The following CAMTA1 variants were observed in gnomAD, a reference collection of about 807,000 sequenced individuals.
CAMTA1 encodes calmodulin binding transcription activator 1.
Under a neutral mutation model 170.9 loss-of-function variants are expected in CAMTA1, and 27 were observed. The observed-to-expected ratio is 0.16, with a 90% CI of 0.12 to 0.22. The LOEUF is 0.22. Ranked by LOEUF, CAMTA1 falls within the 10% of genes least tolerant of loss-of-function variation. The pLI, the probability that CAMTA1 is intolerant of heterozygous loss-of-function variation, is 1.00. For missense variants in CAMTA1, 1,619 were observed against 2,217.2 expected (o/e 0.73, Z 5.42); for synonymous variants, 833 against 891.5 (o/e 0.93, Z 1.17).
At chr1:7,755,560 G>A in intron 21 of CAMTA1, 78 bp from the exon 22 acceptor site, 1 of 1,099,280 alleles carries the variant, frequency 9.1e-7, no homozygotes, top group Non-Finnish European at 1.4e-6. Flanking sequence ...CTTTTTTGTT[G>A]AAATAAAGCT....
At chr1:7,330,603 G>C (rs1450303349) in intron 5 of CAMTA1, among the ~76,000 whole-genome samples, 1 of 152,160 alleles carries the variant, frequency 6.6e-6, no homozygotes, top group Non-Finnish European at 1.5e-5. Flanking sequence ...TTGCACATTT[G>C]AGTTGACCCC....
chr1:7,006,383 T>C (rs1386532777), intron 3 of CAMTA1, among the ~76,000 whole-genome samples: 1 of 152,118 alleles, frequency 6.6e-6, no homozygotes, highest in Non-Finnish European at 1.5e-5. Context: ...TTTTACTGGA[T>C]TGTGGATTAG....
intron 4 of CAMTA1, among the ~76,000 whole-genome samples, chr1:7,165,114 G>A (rs1342702804): frequency 6.6e-6 from 1 of 152,132 alleles, no homozygotes; most frequent in East Asian, 1.9e-4. Flanking sequence ...ATTGAAACTG[G>A]CCAAATCACT....
intron 5 of CAMTA1, among the ~76,000 whole-genome samples, chr1:7,385,150 C>T (rs909372058): frequency 1.4e-4 from 20 of 148,136 alleles, no homozygotes; most frequent in African/African-American, 4.8e-4. Flanking sequence ...AGTGCAGTGG[C>T]GTGATCTCGG....
At chr1:7,045,874 C>T (rs966681609) in intron 3 of CAMTA1, among the ~76,000 whole-genome samples, 3 of 152,116 alleles carry the variant, frequency 2.0e-5, no homozygotes, top group African/African-American at 7.2e-5. Context: ...CGAATGTGCC[C>T]GATTTAGATG....
intron 5 of CAMTA1, among the ~76,000 whole-genome samples, chr1:7,310,624 CT>C (rs1303716230): frequency 1.9e-4 from 1 of 5,394 alleles, no homozygotes; most frequent in African/African-American, 7.6e-4. Flanking sequence ...TTCTTTCTTT[CT>C]TTCTTTCTTT....
intron 1 of CAMTA1, among the ~76,000 whole-genome samples, chr1:6,806,147 C>T (rs887364959): frequency 2.6e-5 from 4 of 152,050 alleles, no homozygotes; most frequent in Admixed American, 6.6e-5. Flanking sequence ...GTCTTGGCAC[C>T]CTTGTTGAAA....
At chr1:7,115,976 C>T (rs1340897067) in intron 4 of CAMTA1, among the ~76,000 whole-genome samples, 1 of 152,236 alleles carries the variant, frequency 6.6e-6, no homozygotes, top group Non-Finnish European at 1.5e-5. Flanking sequence ...CCCTCATCCA[C>T]ACATCCAGAA....
At position 7,732,549 on chromosome 1, in the gene CAMTA1, G is replaced by A. The variant is rs925811957; in HGVS notation, c.3016G>A (p.Gly1006Ser). ...SQQHKQASGG[G>S]SSGGGSGSGN... ...GCAGCACAAACAGGCGAGCGGAGGC[G>A]GCAGCAGTGGAGGCGGCAGCGGGAG... Residue 1006 changes from glycine to serine, a missense_variant, in exon 12 of 23, where the codon GGC (glycine) becomes AGC (serine). Coordinates refer to ENST00000303635, the MANE Select transcript of CAMTA1 (RefSeq NM_015215.4). The surrounding 1 kb of genome is among the most constrained non-coding windows in gnomAD (Gnocchi z 4.1). 2.5e-6 allele frequency: 4 copies of A among 1,613,316 alleles called. No homozygotes were observed. The highest frequency in any genetic ancestry group is 1.3e-5 in the African/African-American group (1 of 74,998).
In CAMTA1 at chr1:7,195,059, G is replaced by T. The variant is rs1281008676; in HGVS notation, c.303-54432G>T. Among the ~76,000 whole-genome samples the T allele has an allele frequency of 2.0e-5, 3 of 152,190 alleles. No homozygotes were observed. The highest frequency in any genetic ancestry group is 4.4e-5 in the Non-Finnish European group (3 of 68,040). ...AAGATGTCTGCTGGCTAGGTAGAAG[G>T]TTTCTGGTTTAATGGTGAAAACAGC... On this transcript the variant is annotated intron_variant, in intron 4 of 22. Transcript: ENST00000303635. This position sits in a 1 kb window ranked among gnomAD's most constrained non-coding sequence, Gnocchi z 4.1.
intron 5 of CAMTA1, among the ~76,000 whole-genome samples, chr1:7,310,659 C>CTT (rs56760357): frequency 2.4e-5 from 1 of 42,102 alleles, no homozygotes; most frequent in Non-Finnish European, 4.3e-5. Flanking sequence ...TTCTTTCTTT[C>CTT]TTTCTTTCTT....
rs994304448 is a variant in CAMTA1, at chr1:7,732,685, C to G, written c.3066+86C>G. The G allele has an allele frequency of 1.4e-6, 2 of 1,467,888 alleles. No individual in the cohort carries two copies. Among genetic ancestry groups the G allele is most frequent in the Non-Finnish European group, 1.8e-6 (2 of 1,105,578 alleles). The allele number at this position is 1,467,888 out of a possible 1,614,324, so 90.9% of individuals were successfully genotyped here. A position where few individuals can be genotyped will look rare whatever the true frequency, so the allele number is the denominator to read the frequency against. ...AGTGGATGGATCACAGGCCTCTTCT[C>G]TGCTGCTGATGCGGTCCCTGTATTC... On this transcript the variant is annotated intron_variant, in intron 12 of 22. Coordinates refer to ENST00000303635, the MANE Select transcript of CAMTA1 (RefSeq NM_015215.4). The surrounding 1 kb of genome is among the most constrained non-coding windows in gnomAD (Gnocchi z 4.1).
At chr1:6,855,612 A>G (rs1328632972) in intron 3 of CAMTA1, among the ~76,000 whole-genome samples, 1 of 151,890 alleles carries the variant, frequency 6.6e-6, no homozygotes, top group Non-Finnish European at 1.5e-5. Context: ...ACCAGGCCCC[A>G]CCTCCAGCAC....
At chr1:7,126,864 G>A (rs58057534) in intron 4 of CAMTA1, among the ~76,000 whole-genome samples, 2,684 of 152,160 alleles carry the variant, frequency 0.018, 73 homozygotes, top group African/African-American at 0.052. Context: ...TCTGCCTCCC[G>A]GGTTCATGCC....
At chr1:7,290,207 G>A (rs141414095) in intron 5 of CAMTA1, among the ~76,000 whole-genome samples, 1 of 152,324 alleles carries the variant, frequency 6.6e-6, no homozygotes, top group Non-Finnish European at 1.5e-5. Flanking sequence ...GACATGGCCT[G>A]GCAGAGGGAA....
chr1:7,100,794 G>C (rs1642621901), intron 4 of CAMTA1, among the ~76,000 whole-genome samples: 1 of 152,206 alleles, frequency 6.6e-6, no homozygotes, highest in Non-Finnish European at 1.5e-5. Flanking sequence ...AGGGATCTTG[G>C]GGACGGCCAG....
chr1:7,070,314 G>T (rs567755010), intron 3 of CAMTA1, among the ~76,000 whole-genome samples: 1 of 152,356 alleles, frequency 6.6e-6, no homozygotes, highest in East Asian at 1.9e-4. Context: ...AATTCATGAA[G>T]GAGCCTGAAT....
intron 3 of CAMTA1, among the ~76,000 whole-genome samples, chr1:7,002,578 A>G (rs540076650): frequency 2.0e-4 from 31 of 152,254 alleles, no homozygotes; most frequent in Admixed American, 3.9e-4. Flanking sequence ...GAAATGACCG[A>G]CAAGACAGGG....
intron 9 of CAMTA1, among the ~76,000 whole-genome samples, chr1:7,667,447 G>A (rs147600834): frequency 1.3e-5 from 2 of 152,184 alleles, no homozygotes; most frequent in South Asian, 2.1e-4. Flanking sequence ...ATGGCTGAGA[G>A]GGGGTGGCCT....
Sources: allele counts gnomAD v4.1 joint callset (sites outside exome capture counted in the v4.1 genomes callset), GRCh38; gene constraint gnomAD v4.1.1; non-coding constraint Gnocchi (gnomAD v3.1); transcripts MANE v1.5; gene names NCBI Gene and HGNC (gene_info 2026-07-23, HGNC 2026-07-21).